Variants in PRKAR2A observed in about 807,000 individuals in gnomAD.
PRKAR2A encodes protein kinase cAMP-dependent type II regulatory subunit alpha, also known as cAMP-dependent protein kinase type II-alpha regulatory subunit.
Under a neutral mutation model 51.9 loss-of-function variants are expected in PRKAR2A, and 29 were observed. That is an observed-to-expected ratio of 0.56 (90% CI 0.42 to 0.76). PRKAR2A has a LOEUF of 0.76. PRKAR2A is among the 30% of genes least tolerant of loss of function. The pLI is 0.00. For synonymous variants in PRKAR2A, 178 were observed against 186.2 expected, an observed-to-expected ratio of 0.96 and a Z score of 0.36; for missense variants, 445 against 512.1, an observed-to-expected ratio of 0.87 and a Z score of 1.26.
chr3:48,798,326 A>G (rs2082531225), intron 2 of PRKAR2A, among the ~76,000 whole-genome samples: 1 of 152,196 alleles, frequency 6.6e-6, no homozygotes. Context: ...GCTGCATCAA[A>G]GGCATCTAAC....
At chr3:48,843,291 T>A (rs965957592) in intron 1 of PRKAR2A, among the ~76,000 whole-genome samples, 1 of 152,170 alleles carries the variant, frequency 6.6e-6, no homozygotes, top group African/African-American at 2.4e-5. Flanking sequence ...TCTATTTGAT[T>A]CTTCTCTTTT....
At chr3:48,745,199 C>T (rs1177772641), downstream of PRKAR2A, among the ~76,000 whole-genome samples, 5 of 149,112 alleles carry the variant, frequency 3.4e-5, no homozygotes, top group African/African-American at 7.4e-5. Flanking sequence ...TTTCAGACAC[C>T]GTGCCAGGCT....
Position 48,847,241 on chromosome 3 carries a change from G to C in PRKAR2A, c.262+94C>G, listed in dbSNP as rs891037894. 3.5e-5 allele frequency: 51 copies of C among 1,455,466 alleles called. 1 individual carries two copies. The African/African-American group carries it at 6.5e-4, about 19-fold the overall frequency. The allele number at this position is 1,455,466 out of a possible 1,614,324, so 90.2% of individuals were successfully genotyped here. A position where few individuals can be genotyped will look rare whatever the true frequency, so the allele number is the denominator to read the frequency against. ...GAGCTCCCAATCCCAGCCTGCGGTCGGCTTGGCTGCGGCGCGACACCTGGC... is the reference window on the plus strand; with the variant it reads ...GAGCTCCCAATCCCAGCCTGCGGTCCGCTTGGCTGCGGCGCGACACCTGGC... On this transcript the variant is annotated intron_variant, in intron 1 of 10. Coordinates refer to ENST00000265563, the MANE Select transcript of PRKAR2A (RefSeq NM_004157.4). The surrounding 1 kb of genome is among the most constrained non-coding windows in gnomAD (Gnocchi z 4.4).
intron 1 of PRKAR2A, among the ~76,000 whole-genome samples, chr3:48,836,980 A>C (rs1035459893): frequency 2.0e-5 from 3 of 151,964 alleles, no homozygotes; most frequent in African/African-American, 7.3e-5. Flanking sequence ...AAAATACAAA[A>C]ATTAGCCAGG....
chr3:48,777,145 T>G (rs1253916693), intron 5 of PRKAR2A, among the ~76,000 whole-genome samples: 1 of 152,102 alleles, frequency 6.6e-6, no homozygotes, highest in Non-Finnish European at 1.5e-5. Flanking sequence ...CTAACCACCA[T>G]AAATCCCAAG....
At chr3:48,803,811 C>G (rs2082627933) in intron 2 of PRKAR2A, among the ~76,000 whole-genome samples, 1 of 152,068 alleles carries the variant, frequency 6.6e-6, no homozygotes, top group African/African-American at 2.4e-5. Context: ...AGTTCAAGAC[C>G]CGCCTGGCCA....
chr3:48,772,742 G>A (rs1419910189), intron 6 of PRKAR2A, among the ~76,000 whole-genome samples: 2 of 152,058 alleles, frequency 1.3e-5, no homozygotes, highest in Non-Finnish European at 2.9e-5. Flanking sequence ...CCGAGTTCAC[G>A]CCATTCTCCT....
At chr3:48,758,671 C>G (rs1327764329) in intron 8 of PRKAR2A, among the ~76,000 whole-genome samples, 1 of 151,754 alleles carries the variant, frequency 6.6e-6, no homozygotes, top group Non-Finnish European at 1.5e-5. Flanking sequence ...TGACTTAGGG[C>G]CTGAGGAGAA....
intron 5 of PRKAR2A, among the ~76,000 whole-genome samples, chr3:48,777,332 C>T (rs1431738222): frequency 3.3e-5 from 5 of 152,134 alleles, no homozygotes; most frequent in African/African-American, 1.2e-4. Flanking sequence ...CTGATCTCAA[C>T]AGTAAAGCAT....
intron 4 of PRKAR2A, among the ~76,000 whole-genome samples, chr3:48,787,149 AGTAATTATTTAT>A (rs1372164648): frequency 1.5e-5 from 2 of 135,854 alleles, no homozygotes; most frequent in East Asian, 2.4e-4. Context: ...TATTGAGAAA[AGTAATTATTTAT>A]TTATTTATTT....
chr3:48,798,508 A>C (rs2107334172), intron 2 of PRKAR2A, among the ~76,000 whole-genome samples: 1 of 152,184 alleles, frequency 6.6e-6, no homozygotes, highest in African/African-American at 2.4e-5. Flanking sequence ...ATTTGACCTT[A>C]ATTCAGTGTA....
chr3:48,766,155 T>A (rs987633078), intron 6 of PRKAR2A, among the ~76,000 whole-genome samples: 2 of 151,832 alleles, frequency 1.3e-5, no homozygotes, highest in Non-Finnish European at 2.9e-5. Context: ...AGGTCAAAGC[T>A]GCAGTGAGTT....
At position 48,752,376 on chromosome 3, in the gene PRKAR2A, A is replaced by G. The variant is rs2081664485; in HGVS notation, c.940-59T>C. 7.7e-6 allele frequency: 12 copies of G among 1,555,236 alleles called. No individual in the cohort carries two copies. In the South Asian group the frequency reaches 1.2e-4, roughly 15 times the overall value. On this transcript the variant is annotated intron_variant, in intron 9 of 10. Transcript: ENST00000265563. ...TCCAGGATCACAGCTGGGCATGTCC[A>G]GTTGCACACACATACACTGTTCTCA...
intron 3 of PRKAR2A, among the ~76,000 whole-genome samples, chr3:48,791,794 C>G (rs1004840863): frequency 1.7e-4 from 25 of 148,350 alleles, no homozygotes; most frequent in Non-Finnish European, 6.0e-5. Context: ...TCCCAGCTAC[C>G]CGAGAGGCTG....
At chr3:48,794,672 T>A (rs940233384) in intron 2 of PRKAR2A, among the ~76,000 whole-genome samples, 1 of 151,692 alleles carries the variant, frequency 6.6e-6, no homozygotes, top group Admixed American at 6.6e-5. Context: ...TCCAGCCTGG[T>A]TGACACAATG....
intron 2 of PRKAR2A, among the ~76,000 whole-genome samples, chr3:48,805,120 C>T (rs1302774397): frequency 6.6e-6 from 1 of 151,808 alleles, no homozygotes; most frequent in Non-Finnish European, 1.5e-5. Flanking sequence ...ACTGTGTTGC[C>T]CCAGCTGGTC....
chr3:48,769,427 T>G (rs147858311), intron 6 of PRKAR2A, among the ~76,000 whole-genome samples: 1,667 of 151,440 alleles, frequency 0.011, 12 homozygotes, highest in Non-Finnish European at 0.019. Context: ...AAAGTGCTGG[T>G]ATTACAGGCG....
intron 8 of PRKAR2A, among the ~76,000 whole-genome samples, chr3:48,757,929 G>A (rs1472357451): frequency 6.6e-6 from 1 of 152,080 alleles, no homozygotes; most frequent in Admixed American, 6.6e-5. Flanking sequence ...GGTGATGCAT[G>A]CCTGTAATCC....
intron 5 of PRKAR2A, among the ~76,000 whole-genome samples, chr3:48,774,126 C>T (rs2082070892): frequency 6.6e-6 from 1 of 152,072 alleles, no homozygotes; most frequent in Non-Finnish European, 1.5e-5. Flanking sequence ...AGCCACCATG[C>T]CCGGCCTAAT....
Sources: gnomAD v4.1 joint callset for allele counts (sites outside exome capture counted in the v4.1 genomes callset) on GRCh38, gnomAD v4.1.1 for gene constraint, Gnocchi (gnomAD v3.1) non-coding constraint, MANE v1.5 for transcripts, NCBI Gene and HGNC (gene_info 2026-07-23, HGNC 2026-07-21) for gene names.